The following PDLIM3 variants were observed in gnomAD, a reference collection of about 807,000 sequenced individuals.
The protein encoded by PDLIM3 is PDZ and LIM domain protein 3.
Under a neutral mutation model 37.3 loss-of-function variants are expected in PDLIM3, and 36 were observed. The ratio of observed to expected loss-of-function variants is 0.97; its 90% CI spans 0.74 to 1.28. The LOEUF is 1.28. Among genes scored for constraint, PDLIM3 ranks in the 50% most tolerant of loss-of-function variants. The pLI is 0.00. For missense variants in PDLIM3, 454 were observed against 485.0 expected, an observed-to-expected ratio of 0.94 and a Z score of 0.60; for synonymous variants, 174 against 182.4, an observed-to-expected ratio of 0.95 and a Z score of 0.37.
Position 185,504,471 on chromosome 4 carries a change from T to G in PDLIM3, c.905+4A>C, listed in dbSNP as rs1184873310. On this transcript the variant is annotated splice_donor_region_variant and intron_variant, in intron 7 of 7. Coordinates refer to ENST00000284767, the MANE Select transcript of PDLIM3 (RefSeq NM_014476.6). The surrounding 1 kb of genome is among the most constrained non-coding windows in gnomAD (Gnocchi z 4.7). ...TAAATTCCAGGGTTAAAAGTGAAAC[T>G]TACACTATGCCACTCCCACATTTGT... 6.2e-7 allele frequency: 1 copy of G among 1,607,596 alleles called. No homozygotes were observed. The highest frequency in any genetic ancestry group is 8.5e-7 in the Non-Finnish European group (1 of 1,174,094).
chr4:185,515,468 A>C (rs1310813215), intron 3 of PDLIM3: 1 of 152,218 alleles, frequency 6.6e-6, no homozygotes, highest in South Asian at 2.1e-4. Context: ...ATTAAGCTAT[A>C]ATCTTAATTT....
In PDLIM3 at chr4:185,525,075, C is replaced by A. The variant is rs1030481395; in HGVS notation, c.190G>T (p.Asp64Tyr). Residue 64 changes from aspartate (D) to tyrosine (Y), a missense_variant, in exon 2 of 8, where the codon GAT (aspartate) becomes TAT (tyrosine). By Grantham distance (160) the Asp-to-Tyr change is radical. Coordinates refer to ENST00000284767, the MANE Select transcript of PDLIM3 (RefSeq NM_014476.6). Reference sequence around the variant, plus strand: ...GCTGCTTTAATCCTGTCCTGCGCATCAGCATGAGTCATGGACTCTGTCCCA... The same window carrying A: ...GCTGCTTTAATCCTGTCCTGCGCATAAGCATGAGTCATGGACTCTGTCCCA... ...GFGTESMTHADAQDRIKAAAH... is the reference protein window; with the variant it reads ...GFGTESMTHAYAQDRIKAAAH... The A allele has an allele frequency of 9.9e-6, 16 of 1,614,074 alleles. No homozygotes were observed. The African/African-American group carries it at 2.1e-4, about 22-fold the overall frequency.
At position 185,514,169 on chromosome 4, in the gene PDLIM3, A is replaced by G; in HGVS notation, c.398+101T>C. 1.2e-6 allele frequency: 2 copies of G among 1,607,656 alleles called. No individual in the cohort carries two copies. Among genetic ancestry groups the G allele is most frequent in the South Asian group, 2.2e-5 (2 of 90,200 alleles). ...CTTTTGAAATAAGCTTCGCAATGAGAAAAGCCACTCCAAACATCTACCAGT... is the reference window on the plus strand; with the variant it reads ...CTTTTGAAATAAGCTTCGCAATGAGGAAAGCCACTCCAAACATCTACCAGT... On this transcript the variant is annotated intron_variant, in intron 4 of 7. Transcript: ENST00000284767. The surrounding 1 kb of genome is among the most constrained non-coding windows in gnomAD (Gnocchi z 4.0).
At position 185,513,994 on chromosome 4, in the gene PDLIM3, A is replaced by G. The variant is rs192628114; in HGVS notation, c.398+276T>C. ...CGACTCAAAGGTCACAGTGTTCTGGATGGGATCCCCAGAGCCTCAGGGGTG... is the reference window on the plus strand; with the variant it reads ...CGACTCAAAGGTCACAGTGTTCTGGGTGGGATCCCCAGAGCCTCAGGGGTG... On this transcript the variant is annotated intron_variant, in intron 4 of 7. Transcript: ENST00000284767. 8.2e-5 allele frequency: 107 copies of G among 1,304,962 alleles called. No individual in the cohort carries two copies. The East Asian group carries it at 3.7e-3, about 45-fold the overall frequency. The allele number at this position is 1,304,962 out of a possible 1,614,324, so 80.8% of individuals were successfully genotyped here. A position where few individuals can be genotyped will look rare whatever the true frequency, so the allele number is the denominator to read the frequency against.
chr4:185,528,951 A>G (rs2153339078), intron 1 of PDLIM3, among the ~76,000 whole-genome samples: 1 of 152,282 alleles, frequency 6.6e-6, no homozygotes, highest in Non-Finnish European at 1.5e-5. Flanking sequence ...TTTCCTTATT[A>G]TATTACTTTG....
intron 1 of PDLIM3, among the ~76,000 whole-genome samples, chr4:185,526,145 C>A (rs1412165561): frequency 6.6e-6 from 1 of 152,202 alleles, no homozygotes; most frequent in Non-Finnish European, 1.5e-5. Context: ...GAAGATGGGG[C>A]TCCCATACTA....
In PDLIM3 at chr4:185,504,505, G is replaced by A. The variant is rs200921332; in HGVS notation, c.875C>T (p.Pro292Leu). 16 of 1,613,840 alleles carry A rather than the reference G, an allele frequency of 9.9e-6. No individual in the cohort carries two copies. In the East Asian group the frequency reaches 1.1e-4, roughly 11 times the overall value. The change falls in exon 7 of 8, where the codon CCG becomes CTG. Residue 292 changes from proline to leucine, a missense_variant. Transcript: ENST00000284767. The surrounding 1 kb of genome is among the most constrained non-coding windows in gnomAD (Gnocchi z 4.7). ...HGGSGGAQRM[P>L]LCDKCGSGIV... ...GCCACTCCCACATTTGTCACAGAGCGGCATCCTCTGTGCCCCGCCTGAACC... is the reference window on the plus strand; with the variant it reads ...GCCACTCCCACATTTGTCACAGAGCAGCATCCTCTGTGCCCCGCCTGAACC...
chr4:185,508,259 T>G, intron 5 of PDLIM3, 40 bp downstream of exon 5: 1 of 1,602,292 alleles, frequency 6.2e-7, no homozygotes, highest in Non-Finnish European at 8.6e-7. Context: ...TGCCCACGTG[T>G]TTAGTTAATA....
In PDLIM3 at chr4:185,535,257, C is replaced by T. The variant is rs1412346020; in HGVS notation, c.93+85G>A. On this transcript the variant is annotated intron_variant, in intron 1 of 7. Coordinates refer to ENST00000284767, the MANE Select transcript of PDLIM3 (RefSeq NM_014476.6). ...CCGCCCTCGCGCGCTTTCTGGCCGC[C>T]CTCGGCCCCGGGGCATCCACTGCGT... 4 of 1,268,252 alleles carry T rather than the reference C, an allele frequency of 3.2e-6. No homozygotes were observed. In the East Asian group the frequency reaches 8.5e-5, roughly 27 times the overall value. The allele number at this position is 1,268,252 out of a possible 1,614,324, so 78.6% of individuals were successfully genotyped here. A position where few individuals can be genotyped will look rare whatever the true frequency, so the allele number is the denominator to read the frequency against.
chr4:185,513,290 C>T (rs555750695), intron 4 of PDLIM3: 2 of 985,324 alleles, frequency 2.0e-6, no homozygotes, highest in Admixed American at 1.2e-4. Flanking sequence ...TATTTTGAGA[C>T]AATCACCTGG....
At chr4:185,503,682 T>TCA (rs2095691429) in intron 7 of PDLIM3, among the ~76,000 whole-genome samples, 1 of 152,228 alleles carries the variant, frequency 6.6e-6, no homozygotes, top group Non-Finnish European at 1.5e-5. Flanking sequence ...GCACGGTGGC[T>TCA]CACACTTGTA....
chr4:185,523,334 T>C (rs756612431), intron 3 of PDLIM3, 28 bp downstream of exon 3: 2 of 1,454,870 alleles, frequency 1.4e-6, no homozygotes, highest in Non-Finnish European at 9.7e-7. Flanking sequence ...GGAAATACAA[T>C]GTGTATCATT....
chr4:185,524,052 A>G (rs1330901992), intron 2 of PDLIM3, among the ~76,000 whole-genome samples: 1 of 151,698 alleles, frequency 6.6e-6, no homozygotes, highest in Non-Finnish European at 1.5e-5. Flanking sequence ...CTGCAGGCAC[A>G]CTCTGCAGAT....
At chr4:185,517,346 GCT>G (rs1491275477) in intron 3 of PDLIM3, 9 of 46,698 alleles carry the variant, frequency 1.9e-4, no homozygotes, top group African/African-American at 6.4e-4. Flanking sequence ...GTGGAGCTTA[GCT>G]TTTTTTTTTT....
In PDLIM3 at chr4:185,514,910, A is replaced by G; in HGVS notation, c.331-573T>C. On this transcript the variant is annotated intron_variant, in intron 3 of 7. Coordinates refer to ENST00000284767, the MANE Select transcript of PDLIM3 (RefSeq NM_014476.6). This position sits in a 1 kb window ranked among gnomAD's most constrained non-coding sequence, Gnocchi z 4.0. ...GAATTCCTGTACAATGGCAGACAAA[A>G]TACACAGCCACACAGCGCACAAGAA... 2 of 1,543,796 alleles carry G rather than the reference A, an allele frequency of 1.3e-6. No individual in the cohort carries two copies. Among genetic ancestry groups the G allele is most frequent in the Non-Finnish European group, 1.8e-6 (2 of 1,142,296 alleles).
chr4:185,531,032 T>C (rs558717387), intron 1 of PDLIM3, among the ~76,000 whole-genome samples: 1 of 149,818 alleles, frequency 6.7e-6, no homozygotes, highest in Admixed American at 6.6e-5. Flanking sequence ...ATATATAGGG[T>C]TTGGTACTAA....
chr4:185,527,113 A>G (rs539811939), intron 1 of PDLIM3, among the ~76,000 whole-genome samples: 1 of 152,350 alleles, frequency 6.6e-6, no homozygotes, highest in African/African-American at 2.4e-5. Flanking sequence ...AATCAATTAA[A>G]AAGCATTTGT....
intron 4 of PDLIM3, among the ~76,000 whole-genome samples, chr4:185,511,793 A>C (rs1290498231): frequency 2.0e-5 from 3 of 152,238 alleles, no homozygotes; most frequent in Non-Finnish European, 4.4e-5. Flanking sequence ...CCAAAGCACA[A>C]AGAAAGTTAC....
Position 185,502,487 on chromosome 4 carries a change from T to C in PDLIM3, c.906-4A>G. 6.2e-7 allele frequency: 1 copy of C among 1,613,900 alleles called. No homozygotes were observed. Among genetic ancestry groups the C allele is most frequent in the Non-Finnish European group, 8.5e-7 (1 of 1,179,860 alleles). ...CCGCGCCTTCACCACAGCACCGCTG[T>C]TGGGGAAGAAAACGAGCTCAAGTTA... On this transcript the variant is annotated splice_region_variant and splice_polypyrimidine_tract_variant and intron_variant, in intron 7 of 7. Coordinates refer to ENST00000284767, the MANE Select transcript of PDLIM3 (RefSeq NM_014476.6).
Sources: gnomAD v4.1 joint callset for allele counts (sites outside exome capture counted in the v4.1 genomes callset) on GRCh38, gnomAD v4.1.1 for gene constraint, Gnocchi (gnomAD v3.1) non-coding constraint, MANE v1.5 for transcripts, NCBI Gene and HGNC (gene_info 2026-07-23, HGNC 2026-07-21) for gene names.